PKD1L1: variants seen among roughly 807,000 people sequenced by gnomAD.
The protein encoded by PKD1L1 is polycystin-1-like protein 1.
PKD1L1 carries 236 observed loss-of-function variants against 323.4 expected under a neutral mutation model. That is an observed-to-expected ratio of 0.73 (90% CI 0.66 to 0.81). PKD1L1 has a LOEUF of 0.81. Among genes scored for constraint, PKD1L1 ranks in the 40% least tolerant of loss-of-function variants. The pLI is 0.00. For missense variants in PKD1L1, 3,320 were observed against 3,508.0 expected (o/e 0.95, Z 1.35); for synonymous variants, 1,344 against 1,335.0 (o/e 1.01, Z -0.15).
chr7:47,943,187 T>C (rs186365086), intron 2 of PKD1L1, among the ~76,000 whole-genome samples: 22,952 of 138,652 alleles, frequency 0.17, 3,020 homozygotes, highest in African/African-American at 0.32. Flanking sequence ...TATATATATA[T>C]ATATATATAT....
At chr7:47,883,468 A>C (rs747964967) in intron 19 of PKD1L1, among the ~76,000 whole-genome samples, 2 of 152,002 alleles carry the variant, frequency 1.3e-5, no homozygotes, top group Non-Finnish European at 2.9e-5. Context: ...TGGAAAACCC[A>C]AAAAAAACCT....
chr7:47,803,295 CA>C lies in PKD1L1; in HGVS notation c.7876del (p.Cys2626AlafsTer17). The C allele has an allele frequency of 6.2e-7, 1 of 1,614,112 alleles. No homozygotes were observed. The highest frequency in any genetic ancestry group is 8.5e-7 in the Non-Finnish European group (1 of 1,180,022). On this transcript the variant is annotated frameshift_variant, in exon 53 of 57. Coordinates refer to ENST00000289672, the MANE Select transcript of PKD1L1 (RefSeq NM_138295.5). LOFTEE classifies it high-confidence loss of function. ...GTTTTGAATGCCAGGAAGATAGACG[CA>C]TTTTAATGTGAAGAGGAATAAGAGG... ...GILLFLFTLK[C>X]VYLPGIQNTM...
chr7:47,827,324 C>A, intron 45 of PKD1L1, 26 bp downstream of exon 45: 4 of 1,571,046 alleles, frequency 2.5e-6, no homozygotes, highest in Non-Finnish European at 2.6e-6. Flanking sequence ...GTGGAGCAAG[C>A]CCTCCCGACA....
At position 47,794,319 on chromosome 7, in the gene PKD1L1, C is replaced by T. The variant is rs561429180; in HGVS notation, c.8356-1522G>A. 4.2e-4 allele frequency among the ~76,000 whole-genome samples: 64 copies of T among 152,290 alleles called. 1 individual carries two copies. Among genetic ancestry groups the T allele is most frequent in the Non-Finnish European group, 2.5e-4 (17 of 68,022 alleles). ...TTTAGTGGACTGGGCCCAGGTTCCC[C>T]GTGCTGTGTGCAGCCTAGAGACTTG... On this transcript the variant is annotated intron_variant, in intron 55 of 56. Coordinates refer to ENST00000289672, the MANE Select transcript of PKD1L1 (RefSeq NM_138295.5).
chr7:47,880,657 G>T, intron 21 of PKD1L1, 71 bp downstream of exon 21: 2 of 1,258,548 alleles, frequency 1.6e-6, no homozygotes, highest in Non-Finnish European at 2.2e-6. Context: ...CATTCCTTAG[G>T]AAGAGTAAAC....
rs146773299 is a variant in PKD1L1, at chr7:47,880,759, A to G, written c.3489T>C (p.Ser1163=). ...TVTIKPYSLS[S]GETYVLQVSV... is the part of the protein sequence containing the mutation. ...ACACTTGCAGGACGTACGTCTCTCC[A>G]CTGCTCAGAGAGTATGGCTTGATTG... Residue 1163 remains serine (S), a synonymous_variant, in exon 21 of 57, where the codon AGT becomes AGC. Coordinates refer to ENST00000289672, the MANE Select transcript of PKD1L1 (RefSeq NM_138295.5). 1.6e-4 allele frequency: 254 copies of G among 1,609,358 alleles called. No homozygotes were observed. The East Asian group carries it at 3.1e-3, about 20-fold the overall frequency.
intron 46 of PKD1L1, among the ~76,000 whole-genome samples, chr7:47,820,721 G>A (rs1260187920): frequency 8.4e-6 from 1 of 119,688 alleles, no homozygotes; most frequent in Non-Finnish European, 1.9e-5. Context: ...GAGCAAAACT[G>A]TCTCAAAAAG....
intron 3 of PKD1L1, 54 bp downstream of exon 3, chr7:47,940,139 G>A: frequency 1.2e-6 from 2 of 1,610,470 alleles, no homozygotes; most frequent in Non-Finnish European, 1.7e-6. Context: ...TAGCTGTACT[G>A]TACATGTACT....
chr7:47,900,961 T>G (rs768462639), intron 13 of PKD1L1, among the ~76,000 whole-genome samples: 4 of 152,022 alleles, frequency 2.6e-5, no homozygotes, highest in Non-Finnish European at 5.9e-5. Flanking sequence ...TGAAAATAAA[T>G]AATTAGACAA....
chr7:47,820,732 GA>G (rs11421124), intron 46 of PKD1L1, among the ~76,000 whole-genome samples: 11 of 148,044 alleles, frequency 7.4e-5, no homozygotes, highest in African/African-American at 2.2e-4. Flanking sequence ...TCTCAAAAAG[GA>G]AAAAAAAAAA....
Position 47,815,377 on chromosome 7 carries a change from AG to A in PKD1L1, c.7045del (p.Leu2349CysfsTer25), listed in dbSNP as rs749311128. 4.3e-6 allele frequency: 7 copies of A among 1,614,064 alleles called. No individual in the cohort carries two copies. ...DWSLTTLLDGLYPGGTPSARV... is the reference protein window; with the variant it reads ...DWSLTTLLDGXYPGGTPSARV... ...GGCTGACGGGGTGCCTCCCGGGTACAGGCCATCCAGAAGTGTGGTCAGACTC... is the reference window on the plus strand; with the variant it reads ...GGCTGACGGGGTGCCTCCCGGGTACAGCCATCCAGAAGTGTGGTCAGACTC... On this transcript the variant is annotated frameshift_variant, in exon 47 of 57. Transcript: ENST00000289672. LOFTEE classifies it high-confidence loss of function.
At chr7:47,945,999 T>A (rs952965813) in intron 1 of PKD1L1, among the ~76,000 whole-genome samples, 1 of 152,134 alleles carries the variant, frequency 6.6e-6, no homozygotes, top group African/African-American at 2.4e-5. Context: ...TCCTTGAGAT[T>A]TCAGAGGTCT....
chr7:47,855,194 C>T lies in PKD1L1; in HGVS notation c.4662G>A (p.Arg1554=). Residue 1554 remains arginine (R), a synonymous_variant, in exon 29 of 57, where the codon AGG becomes AGA. Coordinates refer to ENST00000289672, the MANE Select transcript of PKD1L1 (RefSeq NM_138295.5). ...CCCCAAACTCGACCATCACGGGTTTCCTTAGCCATTGCCTGTTGATGGGTC... is the reference window on the plus strand; with the variant it reads ...CCCCAAACTCGACCATCACGGGTTTTCTTAGCCATTGCCTGTTGATGGGTC... ...SRRPINRQWL[R]KPVMVEFGEE... The T allele has an allele frequency of 6.2e-7, 1 of 1,614,186 alleles. No individual in the cohort carries two copies.
chr7:47,848,619 A>G (rs1431908564), intron 31 of PKD1L1, among the ~76,000 whole-genome samples: 1 of 152,190 alleles, frequency 6.6e-6, no homozygotes, highest in Non-Finnish European at 1.5e-5. Flanking sequence ...CAGCCTGACC[A>G]ACATGGAGAA....
chr7:47,804,776 C>T lies in PKD1L1; in HGVS notation c.7828-1432G>A, dbSNP rs190342845. Among the ~76,000 whole-genome samples the T allele has an allele frequency of 6.6e-5, 10 of 152,278 alleles. No homozygotes were observed. In the East Asian group the frequency reaches 9.6e-4, roughly 15 times the overall value. On this transcript the variant is annotated intron_variant, in intron 52 of 56. Transcript: ENST00000289672. ...CTAGGATTATAGGCGTGAGCCACCA[C>T]GCCCAGCACATTTTTAATTTTCATA...
chr7:47,914,098 CTGA>C (rs1423502970), intron 8 of PKD1L1, among the ~76,000 whole-genome samples: 17 of 152,088 alleles, frequency 1.1e-4, no homozygotes, highest in African/African-American at 4.1e-4. Flanking sequence ...CTCATAGTAG[CTGA>C]TGAATGGATA....
At chr7:47,828,751 C>T (rs1554399324) in intron 44 of PKD1L1, among the ~76,000 whole-genome samples, 4 of 152,190 alleles carry the variant, frequency 2.6e-5, no homozygotes, top group Admixed American at 2.6e-4. Flanking sequence ...GACAGGTCCT[C>T]AGACATGGAG....
intron 2 of PKD1L1, among the ~76,000 whole-genome samples, chr7:47,942,917 T>C (rs1788017874): frequency 6.6e-6 from 1 of 151,884 alleles, no homozygotes; most frequent in East Asian, 1.9e-4. Flanking sequence ...AAGGCCGAGG[T>C]GGGCAGATCA....
intron 34 of PKD1L1, among the ~76,000 whole-genome samples, chr7:47,842,627 T>C (rs1224675955): frequency 1.3e-5 from 2 of 152,156 alleles, no homozygotes; most frequent in Non-Finnish European, 1.5e-5. Context: ...CTGGGACTGT[T>C]GTCTTCAGCC....
Sources: gnomAD v4.1 joint callset for allele counts (sites outside exome capture counted in the v4.1 genomes callset) on GRCh38, gnomAD v4.1.1 for gene constraint, MANE v1.5 for transcripts, NCBI Gene and HGNC (gene_info 2026-07-23, HGNC 2026-07-21) for gene names.